KIAA1671: variants seen among roughly 807,000 people sequenced by gnomAD.
KIAA1671 encodes KIAA1671, also known as uncharacterized protein KIAA1671.
KIAA1671 carries 52 observed loss-of-function variants against 131.2 expected under a neutral mutation model. The observed-to-expected ratio is 0.40, with a 90% CI of 0.32 to 0.50. The LOEUF (loss-of-function observed/expected upper bound fraction) is 0.50. KIAA1671 is among the 20% of genes least tolerant of loss of function. KIAA1671 has a pLI of 0.73. For synonymous variants in KIAA1671, 1,003 were observed against 961.6 expected (o/e 1.04, Z -0.80); for missense variants, 2,360 against 2,364.2 (o/e 1.00, Z 0.04).
intron 1 of KIAA1671, among the ~76,000 whole-genome samples, chr22:24,963,871 C>T (rs568864822): frequency 1.3e-4 from 19 of 148,690 alleles, no homozygotes; most frequent in Admixed American, 7.5e-4. Flanking sequence ...ACCTGGGAGG[C>T]GGAGCTTGCA....
At chr22:25,049,010 C>T (rs948725331) in intron 5 of KIAA1671, 34 of 553,660 alleles carry the variant, frequency 6.1e-5, no homozygotes, top group African/African-American at 5.7e-4. Flanking sequence ...TTGAGGCACC[C>T]ACCTGAGGTC....
chr22:25,124,412 G>C (rs6004444), intron 6 of KIAA1671, among the ~76,000 whole-genome samples: 4,244 of 152,270 alleles, frequency 0.028, 91 homozygotes, highest in Middle Eastern at 0.061. Flanking sequence ...TTTGACTTTT[G>C]TTTTCTAAGC....
At chr22:25,067,947 C>T (rs927247723) in intron 6 of KIAA1671, among the ~76,000 whole-genome samples, 2 of 152,290 alleles carry the variant, frequency 1.3e-5, no homozygotes, top group East Asian at 1.9e-4. Context: ...AGCCAGGACA[C>T]GCAGCGCCAG....
At chr22:25,109,020 T>C (rs910909879) in intron 6 of KIAA1671, among the ~76,000 whole-genome samples, 1 of 152,140 alleles carries the variant, frequency 6.6e-6, no homozygotes, top group Admixed American at 6.6e-5. Context: ...CCTCACAACA[T>C]GGCGGCTGGC....
intron 6 of KIAA1671, among the ~76,000 whole-genome samples, chr22:25,129,507 G>GA (rs768667507): frequency 0.088 from 11,547 of 130,494 alleles, 1,418 homozygotes; most frequent in African/African-American, 0.29. Context: ...GACTCCATCT[G>GA]AAAAAAAAAA....
chr22:25,177,467 C>T lies in KIAA1671; in HGVS notation c.5019C>T (p.Ser1673=). The T allele has an allele frequency of 6.4e-7, 1 of 1,551,770 alleles. No homozygotes were observed. Among genetic ancestry groups the T allele is most frequent in the Non-Finnish European group, 8.7e-7 (1 of 1,147,004 alleles). The change falls in exon 9 of 13, where the codon AGC becomes AGT. Residue 1673 remains serine (S), a synonymous_variant. Coordinates refer to ENST00000358431, the MANE Select transcript of KIAA1671 (RefSeq NM_001145206.2). ...LRRSRFSESE[S]RSPLEDETDN... is the part of the protein sequence containing the mutation. ...GCAGCCGATTTAGTGAGTCCGAGAG[C>T]AGATCACCTTTGGAGGATGAGACTG...
chr22:25,077,803 G>A (rs1357901927), intron 6 of KIAA1671, among the ~76,000 whole-genome samples: 2 of 152,160 alleles, frequency 1.3e-5, no homozygotes, highest in Non-Finnish European at 2.9e-5. Context: ...ATCTAAATGT[G>A]GTTAGTTCCA....
chr22:25,105,741 C>T (rs1180054524), intron 6 of KIAA1671, among the ~76,000 whole-genome samples: 1 of 150,814 alleles, frequency 6.6e-6, no homozygotes, highest in Non-Finnish European at 1.5e-5. Context: ...CATTTGGTCT[C>T]TGCTTTTCTG....
intron 6 of KIAA1671, among the ~76,000 whole-genome samples, chr22:25,135,121 A>G (rs1932615468): frequency 1.3e-5 from 2 of 152,204 alleles, no homozygotes; most frequent in Non-Finnish European, 2.9e-5. Context: ...ATTCACAAGA[A>G]TTTGAGGGCT....
In KIAA1671 at chr22:25,028,592, C is replaced by A. The variant is rs1229261920; in HGVS notation, c.593C>A (p.Pro198His). The A allele has an allele frequency of 2.6e-6, 4 of 1,550,900 alleles. No individual in the cohort carries two copies. The highest frequency in any genetic ancestry group is 2.0e-5 in the Admixed American group (1 of 50,978). The change falls in exon 3 of 13, where the codon CCC becomes CAC. Residue 198 changes from proline to histidine, a missense_variant. Physicochemically the swap from Pro to His is moderately conservative, Grantham distance 77 (BLOSUM62 -2). Coordinates refer to ENST00000358431, the MANE Select transcript of KIAA1671 (RefSeq NM_001145206.2). ...GCGGGGACCCTTCCCCGGTCAGCTC[C>A]CCTGTCTCAGGACACAAAACCACCT... ...KPAGTLPRSA[P>H]LSQDTKPPVP...
intron 9 of KIAA1671, chr22:25,179,691 A>G: frequency 3.3e-6 from 2 of 604,458 alleles, no homozygotes; most frequent in Non-Finnish European, 5.8e-6. Flanking sequence ...AGGTTAGTAT[A>G]TTAATTGAGG....
At chr22:25,182,879 A>G (rs987459916) in intron 10 of KIAA1671, among the ~76,000 whole-genome samples, 3 of 152,180 alleles carry the variant, frequency 2.0e-5, no homozygotes, top group Non-Finnish European at 4.4e-5. Flanking sequence ...TCAGTACCAG[A>G]TGACACAGGA....
chr22:25,031,479 A>T (rs975905577), intron 3 of KIAA1671, among the ~76,000 whole-genome samples: 3 of 152,118 alleles, frequency 2.0e-5, no homozygotes, highest in African/African-American at 4.8e-5. Context: ...TACAGGCGTG[A>T]GCCACCACGC....
chr22:25,101,654 T>C (rs1487187503), intron 6 of KIAA1671, among the ~76,000 whole-genome samples: 1 of 151,660 alleles, frequency 6.6e-6, no homozygotes, highest in Non-Finnish European at 1.5e-5. Context: ...GTCATTTCTA[T>C]TTTTTTTTCT....
rs1925466770 is a variant in KIAA1671, at chr22:25,018,478, A to G, written c.-207-7155A>G. On this transcript the variant is annotated intron_variant, in intron 1 of 12. Coordinates refer to ENST00000358431, the MANE Select transcript of KIAA1671 (RefSeq NM_001145206.2). ...GTTTGGTGGTATTAAGTACATTCAC[A>G]TTGTTGTGTGACCATCATCACCATC... Among the ~76,000 whole-genome samples the G allele has an allele frequency of 2.0e-5, 3 of 151,972 alleles. No individual in the cohort carries two copies. In the East Asian group the frequency reaches 5.8e-4, roughly 29 times the overall value.
At chr22:25,184,869 G>T in intron 10 of KIAA1671, 108 bp from the exon 11 acceptor site, 1 of 1,324,548 alleles carries the variant, frequency 7.5e-7, no homozygotes, top group Non-Finnish European at 1.1e-6. Context: ...TCCGATTCAG[G>T]GGGCCCCGAG....
In KIAA1671 at chr22:25,055,589, T is replaced by C. The variant is rs1927787841; in HGVS notation, c.4530+6225T>C. 1.3e-5 allele frequency: 2 copies of C among 149,704 alleles called. 1 individual carries two copies. Among genetic ancestry groups the C allele is most frequent in the South Asian group, 4.6e-4 (2 of 4,314 alleles). The allele number at this position is 149,704 out of a possible 1,614,324, so 9.3% of individuals were successfully genotyped here. ...CAATGAATAAATAAAAATTTAAAAA[T>C]TAGCCATGGTAGCTCATTGAGATAT... On this transcript the variant is annotated intron_variant, in intron 6 of 12. Coordinates refer to ENST00000358431, the MANE Select transcript of KIAA1671 (RefSeq NM_001145206.2).
At position 25,032,599 on chromosome 22, in the gene KIAA1671, T is replaced by C; in HGVS notation, c.1542-10T>C. On this transcript the variant is annotated splice_polypyrimidine_tract_variant and intron_variant, in intron 3 of 12. Coordinates refer to ENST00000358431, the MANE Select transcript of KIAA1671 (RefSeq NM_001145206.2). ...CAGCTCCATGAAGGTAACTCAGATC[T>C]CTGTACCAGGTTTTCAAGTTCAGCT... 3 of 1,532,196 alleles carry C rather than the reference T, an allele frequency of 2.0e-6. No homozygotes were observed. The highest frequency in any genetic ancestry group is 2.7e-6 in the Non-Finnish European group (3 of 1,130,414). The allele number at this position is 1,532,196 out of a possible 1,614,324, so 94.9% of individuals were successfully genotyped here. A position where few individuals can be genotyped will look rare whatever the true frequency, so the allele number is the denominator to read the frequency against.
intron 6 of KIAA1671, among the ~76,000 whole-genome samples, chr22:25,160,366 A>G (rs1933398253): frequency 6.6e-6 from 1 of 152,086 alleles, no homozygotes; most frequent in Non-Finnish European, 1.5e-5. Context: ...CCTCATTCAG[A>G]GGCTTGGGCA....
Sources: gnomAD v4.1 joint callset for allele counts (sites outside exome capture counted in the v4.1 genomes callset) on GRCh38, gnomAD v4.1.1 for gene constraint, MANE v1.5 for transcripts, NCBI Gene and HGNC (gene_info 2026-07-23, HGNC 2026-07-21) for gene names.